Variants in SDK1 observed in about 807,000 individuals in gnomAD.
SDK1 encodes sidekick cell adhesion molecule 1, also known as protein sidekick-1.
SDK1 carries 157 observed loss-of-function variants against 245.5 expected under a neutral mutation model. The observed-to-expected ratio is 0.64, with a 90% CI of 0.56 to 0.73. The LOEUF (loss-of-function observed/expected upper bound fraction) is 0.73. SDK1 is among the 30% of genes least tolerant of loss of function. SDK1 has a pLI of 0.00. For missense variants in SDK1, 3,583 were observed against 3,002.3 expected (o/e 1.19, Z -4.52); for synonymous variants, 1,647 against 1,278.5 (o/e 1.29, Z -6.15).
intron 2 of SDK1, among the ~76,000 whole-genome samples, chr7:3,626,524 G>A (rs1464534891): frequency 6.6e-6 from 1 of 152,198 alleles, no homozygotes; most frequent in Non-Finnish European, 1.5e-5. Flanking sequence ...AATTTGCTTG[G>A]TGCTGGGTGG....
At chr7:3,601,306 T>C (rs901013740) in intron 1 of SDK1, among the ~76,000 whole-genome samples, 2 of 152,180 alleles carry the variant, frequency 1.3e-5, no homozygotes, top group Non-Finnish European at 2.9e-5. Flanking sequence ...GATTCTTCTT[T>C]AAATGTTTGG....
intron 1 of SDK1, among the ~76,000 whole-genome samples, chr7:3,403,834 T>TATATATATATATATATATATA (rs138483028): frequency 2.0e-5 from 1 of 50,336 alleles, no homozygotes; most frequent in African/African-American, 2.1e-4. Context: ...CATATATATA[T>TATATATATATATATATATATA]ATATATATAT....
intron 22 of SDK1, among the ~76,000 whole-genome samples, chr7:4,108,501 TG>T (rs1444861986): frequency 2.6e-5 from 4 of 152,178 alleles, no homozygotes; most frequent in Non-Finnish European, 4.4e-5. Context: ...CCAGGGGACT[TG>T]CCCCCTTTGC....
intron 4 of SDK1, among the ~76,000 whole-genome samples, chr7:3,815,040 A>G (rs1473543746): frequency 1.4e-5 from 2 of 139,206 alleles, no homozygotes; most frequent in Admixed American, 7.2e-5. Flanking sequence ...TTCTAGATAT[A>G]CAATCATGTC....
chr7:4,184,400 G>T (rs1440705712), intron 35 of SDK1, among the ~76,000 whole-genome samples: 4 of 152,126 alleles, frequency 2.6e-5, no homozygotes, highest in African/African-American at 9.7e-5. Flanking sequence ...ACCTGTGAGT[G>T]AGGAGACTCA....
At chr7:3,378,902 G>GTTGC (rs1184713222) in intron 1 of SDK1, among the ~76,000 whole-genome samples, 1 of 152,060 alleles carries the variant, frequency 6.6e-6, no homozygotes, top group Non-Finnish European at 1.5e-5. Context: ...TCATCGGAGA[G>GTTGC]TTGCATGCAT....
chr7:4,198,680 G>C (rs1056287643), intron 35 of SDK1, among the ~76,000 whole-genome samples: 1 of 152,148 alleles, frequency 6.6e-6, no homozygotes, highest in African/African-American at 2.4e-5. Flanking sequence ...ACCTAAAGTT[G>C]TGCGACTCCC....
chr7:3,909,563 G>A (rs886312188), intron 5 of SDK1, among the ~76,000 whole-genome samples: 1 of 152,178 alleles, frequency 6.6e-6, no homozygotes, highest in African/African-American at 2.4e-5. Flanking sequence ...GGACAGTGAC[G>A]GTGTTAGTGA....
chr7:3,832,202 C>T (rs945616610), intron 5 of SDK1, among the ~76,000 whole-genome samples: 1 of 152,152 alleles, frequency 6.6e-6, no homozygotes, highest in Non-Finnish European at 1.5e-5. Context: ...CAGTTGATTA[C>T]GTGGGTTAGT....
intron 35 of SDK1, among the ~76,000 whole-genome samples, chr7:4,185,467 C>T (rs1421251905): frequency 1.3e-5 from 2 of 152,168 alleles, no homozygotes; most frequent in African/African-American, 4.8e-5. Flanking sequence ...TTCCAGAGCC[C>T]CCAGGCTTCC....
intron 4 of SDK1, among the ~76,000 whole-genome samples, chr7:3,732,588 C>G (rs936088917): frequency 6.6e-6 from 1 of 152,242 alleles, no homozygotes; most frequent in Admixed American, 6.5e-5. Flanking sequence ...ACTGGCAAAA[C>G]ATTGCATTGT....
At chr7:3,404,971 C>G (rs1340927226) in intron 1 of SDK1, among the ~76,000 whole-genome samples, 3 of 152,042 alleles carry the variant, frequency 2.0e-5, no homozygotes, top group African/African-American at 2.4e-5. Flanking sequence ...TGCCTGTGTT[C>G]AGAAAGATTC....
chr7:4,114,346 A>G, intron 25 of SDK1, 72 bp downstream of exon 25: 1 of 1,226,496 alleles, frequency 8.2e-7, no homozygotes, highest in Non-Finnish European at 1.1e-6. Flanking sequence ...GAGCCTCCAG[A>G]TCCCAGGCTA....
chr7:3,950,905 C>G lies in SDK1; in HGVS notation c.848-18C>G, dbSNP rs758652796. 1.8e-5 allele frequency: 29 copies of G among 1,600,064 alleles called. No individual in the cohort carries two copies. In the Admixed American group the frequency reaches 4.5e-4, roughly 25 times the overall value. ...TGTACTTAGAGTTTCATGGACATTT[C>G]TCTTTTCTCTGCCACAGGAGATGTT... is the stretch of plus-strand genomic sequence containing the variant. On this transcript the variant is annotated intron_variant, in intron 5 of 44. Coordinates refer to ENST00000404826, the MANE Select transcript of SDK1 (RefSeq NM_152744.4).
intron 35 of SDK1, among the ~76,000 whole-genome samples, chr7:4,203,550 C>G (rs528235337): frequency 6.6e-6 from 1 of 151,106 alleles, no homozygotes; most frequent in Admixed American, 6.6e-5. Flanking sequence ...AAAAAGCTTC[C>G]AAGCTGGTAT....
intron 22 of SDK1, among the ~76,000 whole-genome samples, chr7:4,109,326 G>A (rs571809364): frequency 6.6e-6 from 1 of 152,324 alleles, no homozygotes; most frequent in East Asian, 1.9e-4. Context: ...CAGCATGCCT[G>A]CTTACACAGT....
intron 5 of SDK1, among the ~76,000 whole-genome samples, chr7:3,847,284 G>T (rs1780304742): frequency 6.6e-6 from 1 of 152,158 alleles, no homozygotes; most frequent in Non-Finnish European, 1.5e-5. Flanking sequence ...GCCCAGACCA[G>T]TTCCTCTGTC....
intron 1 of SDK1, among the ~76,000 whole-genome samples, chr7:3,595,449 C>T (rs1318113466): frequency 1.3e-5 from 2 of 152,090 alleles, no homozygotes; most frequent in African/African-American, 2.4e-5. Flanking sequence ...GGGTAAGAGG[C>T]ATATTTGTAT....
chr7:3,810,310 T>TC (rs1779354124), intron 4 of SDK1, among the ~76,000 whole-genome samples: 2 of 152,332 alleles, frequency 1.3e-5, no homozygotes, highest in South Asian at 4.1e-4. Flanking sequence ...AAACATGTAT[T>TC]CCGCACATTT....
Sources: allele counts gnomAD v4.1 joint callset (sites outside exome capture counted in the v4.1 genomes callset), GRCh38; gene constraint gnomAD v4.1.1; transcripts MANE v1.5; gene names NCBI Gene and HGNC (gene_info 2026-07-23, HGNC 2026-07-21).